SLC9A1: variants seen among roughly 807,000 people sequenced by gnomAD.
The protein encoded by SLC9A1 is solute carrier family 9 member A1, also known as sodium/hydrogen exchanger 1.
In SLC9A1, 22 loss-of-function variants were observed where a neutral mutation model predicts 67.9. That is an observed-to-expected ratio of 0.32 (90% CI 0.23 to 0.46). The LOEUF (loss-of-function observed/expected upper bound fraction) is 0.46. SLC9A1 is among the 20% of genes least tolerant of loss of function. The probability of loss-of-function intolerance (pLI) is 1.00; values close to 1 mark genes in which losing one functional copy is unlikely to be tolerated. For missense variants in SLC9A1, 686 were observed against 1,094.8 expected (o/e 0.63, Z 5.27); for synonymous variants, 421 against 471.8 (o/e 0.89, Z 1.40).
intron 2 of SLC9A1, among the ~76,000 whole-genome samples, chr1:27,110,409 G>A (rs1286982600): frequency 6.6e-6 from 1 of 152,156 alleles, no homozygotes; most frequent in Non-Finnish European, 1.5e-5. Flanking sequence ...CTGGGATAGG[G>A]CCAAGAAATC....
chr1:27,105,147 A>G (rs746459482), intron 5 of SLC9A1, among the ~76,000 whole-genome samples: 1 of 152,214 alleles, frequency 6.6e-6, no homozygotes, highest in Non-Finnish European at 1.5e-5. Context: ...TGCCTGGCTC[A>G]TAGCCCTTTC....
chr1:27,146,040 A>G (rs1201272153), intron 1 of SLC9A1, among the ~76,000 whole-genome samples: 1 of 152,230 alleles, frequency 6.6e-6, no homozygotes, highest in Non-Finnish European at 1.5e-5. Flanking sequence ...AGTTTGGCCC[A>G]GTGCAGTGTG....
chr1:27,134,570 C>T (rs185342646), intron 1 of SLC9A1, among the ~76,000 whole-genome samples: 8 of 152,280 alleles, frequency 5.3e-5, no homozygotes, highest in Non-Finnish European at 1.2e-4. Context: ...ATCCTGGGTT[C>T]CACCTAGAAG....
rs1247861611 is a variant in SLC9A1 at position 27,154,358 on chromosome 1, C to T, written c.-24G>A. On this transcript the variant is annotated 5_prime_UTR_variant, in exon 1 of 12. Coordinates refer to ENST00000263980, the MANE Select transcript of SLC9A1 (RefSeq NM_003047.5). ...ATGGTGCTGCTTCCAGAGCCAGCCT[C>T]GACCTTACCCAAATGAGAGTAAAAC... The T allele has an allele frequency of 6.7e-7, 1 of 1,501,854 alleles. No individual in the cohort carries two copies. Among genetic ancestry groups the T allele is most frequent in the African/African-American group, 1.4e-5 (1 of 72,134 alleles). 93.0% of individuals were successfully genotyped at this position (1,501,854 alleles called of 1,614,324 possible).
rs1454274419 is a variant in SLC9A1, at chr1:27,099,628, T to G, written c.*679A>C. The stretch of plus-strand genomic sequence containing the variant: ...CACGGCCAGTCCTTCCCCTAGCAGC[T>G]TCCCCTGAGGGGCCCAGTGGTCCCC... On this transcript the variant is annotated 3_prime_UTR_variant, in exon 12 of 12. Coordinates refer to ENST00000263980, the MANE Select transcript of SLC9A1 (RefSeq NM_003047.5). 6.5e-6 allele frequency: 1 copy of G among 152,720 alleles called. No individual in the cohort carries two copies. The highest frequency in any genetic ancestry group is 1.5e-5 in the Non-Finnish European group (1 of 68,266). The allele number at this position is 152,720 out of a possible 1,614,324, so 9.5% of individuals were successfully genotyped here. A position where few individuals can be genotyped will look rare whatever the true frequency, so the allele number is the denominator to read the frequency against.
At chr1:27,153,886 C>T in intron 1 of SLC9A1, 97 bp downstream of exon 1, 1 of 800,054 alleles carries the variant, frequency 1.2e-6, no homozygotes, top group South Asian at 1.8e-5. Flanking sequence ...GGGGGTAGTT[C>T]AGATCCTTAC....
intron 5 of SLC9A1, chr1:27,103,549 C>T (rs2083162664): frequency 3.6e-6 from 2 of 555,038 alleles, no homozygotes; most frequent in Admixed American, 3.1e-5. Context: ...ATGACCCCCA[C>T]ACTGGTCATC....
chr1:27,133,041 C>T (rs1162129003), intron 1 of SLC9A1, among the ~76,000 whole-genome samples: 3 of 152,004 alleles, frequency 2.0e-5, no homozygotes, highest in African/African-American at 7.3e-5. Flanking sequence ...AAAGGCCTAG[C>T]CCAAGCCCGT....
intron 1 of SLC9A1, among the ~76,000 whole-genome samples, chr1:27,146,766 C>A (rs945542024): frequency 5.3e-5 from 8 of 151,896 alleles, no homozygotes; most frequent in Non-Finnish European, 1.0e-4. Flanking sequence ...GGAGACAGAG[C>A]GAAATCCTGT....
intron 1 of SLC9A1, among the ~76,000 whole-genome samples, chr1:27,119,042 AAC>A (rs35231148): frequency 0.1 from 14,171 of 139,116 alleles, 1,119 homozygotes; most frequent in African/African-American, 0.24. Flanking sequence ...AGCTGGAACG[AAC>A]ACACACACAC....
Position 27,100,302 on chromosome 1 carries a change from T to C in SLC9A1, c.*5A>G. 4 of 1,520,120 alleles carry C rather than the reference T, an allele frequency of 2.6e-6. No individual in the cohort carries two copies. The allele number at this position is 1,520,120 out of a possible 1,614,324, so 94.2% of individuals were successfully genotyped here. A position where few individuals can be genotyped will look rare whatever the true frequency, so the allele number is the denominator to read the frequency against. On this transcript the variant is annotated 3_prime_UTR_variant, in exon 12 of 12. Transcript: ENST00000263980. The surrounding 1 kb of genome is among the most constrained non-coding windows in gnomAD (Gnocchi z 5.6). ...GGGGACAGGCGCTGCCTGCTGGCCC[T>C]GGTGTTACTGCCCCTTGGGGAAGAA...
At chr1:27,143,298 G>A (rs539450872) in intron 1 of SLC9A1, among the ~76,000 whole-genome samples, 4 of 151,934 alleles carry the variant, frequency 2.6e-5, no homozygotes, top group South Asian at 2.1e-4. Context: ...TCTCAAGGCC[G>A]CCTCCTTCAA....
At chr1:27,107,901 C>G (rs780567371) in intron 3 of SLC9A1, 36 bp from the exon 4 acceptor site, 4 of 1,469,042 alleles carry the variant, frequency 2.7e-6, no homozygotes, top group Admixed American at 1.9e-5. Context: ...GGCTCCGTGT[C>G]GAGCTGCACC....
chr1:27,147,601 A>G (rs969833106), intron 1 of SLC9A1, among the ~76,000 whole-genome samples: 2 of 152,150 alleles, frequency 1.3e-5, no homozygotes, highest in Non-Finnish European at 2.9e-5. Context: ...CCAGGGATTC[A>G]AAACCAGCCT....
At position 27,100,506 on chromosome 1, in the gene SLC9A1, T is replaced by G. The variant is rs1223990238; in HGVS notation, c.2249A>C (p.Lys750Thr). ...GTCGTCCTCGTCCTCCTCAGCCACC[T>G]TTGCAGGATCCCGGCTCAACCCTAA... ...KVLGLSRDPAKVAEEDEDDDG... is the reference protein window; with the variant it reads ...KVLGLSRDPATVAEEDEDDDG... The change falls in exon 12 of 12, where the codon AAG (lysine) becomes ACG (threonine). Residue 750 changes from lysine to threonine, a missense_variant. This residue lies in a region of SLC9A1 where 226 missense variants were observed against 282.4 expected (regional missense o/e 0.80). Transcript: ENST00000263980. The surrounding 1 kb of genome is among the most constrained non-coding windows in gnomAD (Gnocchi z 5.6). The G allele has an allele frequency of 6.2e-7, 1 of 1,614,012 alleles. No individual in the cohort carries two copies. Among genetic ancestry groups the G allele is most frequent in the Non-Finnish European group, 8.5e-7 (1 of 1,179,990 alleles).
chr1:27,131,947 A>AATATATATATATATATAT (rs71010329), intron 1 of SLC9A1, among the ~76,000 whole-genome samples: 3 of 52,120 alleles, frequency 5.8e-5, no homozygotes, highest in African/African-American at 1.9e-4. Flanking sequence ...AGAAAAAAAA[A>AATATATATATATATATAT]ATATATATAT....
chr1:27,108,291 C>T (rs1013210144), intron 3 of SLC9A1, among the ~76,000 whole-genome samples: 26 of 150,746 alleles, frequency 1.7e-4, no homozygotes, highest in African/African-American at 6.0e-4. Flanking sequence ...TGGTCTTGAA[C>T]TCCTGACCTT....
At position 27,109,138 on chromosome 1, in the gene SLC9A1, T is replaced by G. The variant is rs937580543; in HGVS notation, c.1064+389A>C. Among the ~76,000 whole-genome samples the G allele has an allele frequency of 6.6e-6, 1 of 152,120 alleles. No individual in the cohort carries two copies. Among genetic ancestry groups the G allele is most frequent in the African/African-American group, 2.4e-5 (1 of 41,430 alleles). ...CTGGTGAGCCTCCTACTGGGGCTGCTGAGGGGACTCCCTTTGAGACAATGA... is the reference window on the plus strand; with the variant it reads ...CTGGTGAGCCTCCTACTGGGGCTGCGGAGGGGACTCCCTTTGAGACAATGA... On this transcript the variant is annotated intron_variant, in intron 3 of 11. Coordinates refer to ENST00000263980, the MANE Select transcript of SLC9A1 (RefSeq NM_003047.5). This position sits in a 1 kb window ranked among gnomAD's most constrained non-coding sequence, Gnocchi z 5.5.
In SLC9A1 at chr1:27,102,441, C is replaced by T. The variant is rs143340388; in HGVS notation, c.1764G>A (p.Leu588=). 1 of 1,610,372 alleles carries T rather than the reference C, an allele frequency of 6.2e-7. No homozygotes were observed. The highest frequency in any genetic ancestry group is 8.5e-7 in the Non-Finnish European group (1 of 1,177,504). ...TCTTGCCCATGCCCCCGCTCTCCAC[C>T]AGCTCGATGGCCTGCTTCATCTCCA... is the stretch of plus-strand genomic sequence containing the variant. ...HKMEMKQAIE[L]VESGGMGKIP... is the part of the protein sequence containing the mutation. The change falls in exon 8 of 12, where the codon CTG becomes CTA. Residue 588 remains leucine, a synonymous_variant. Coordinates refer to ENST00000263980, the MANE Select transcript of SLC9A1 (RefSeq NM_003047.5).
Sources: allele counts gnomAD v4.1 joint callset (sites outside exome capture counted in the v4.1 genomes callset), GRCh38; gene constraint gnomAD v4.1.1; regional missense constraint gnomAD v4.1.1; non-coding constraint Gnocchi (gnomAD v3.1); transcripts MANE v1.5; gene names NCBI Gene and HGNC (gene_info 2026-07-23, HGNC 2026-07-21).